MYO16: variants seen among roughly 807,000 people sequenced by gnomAD.
MYO16 encodes myosin XVI.
MYO16 carries 94 observed loss-of-function variants against 205.3 expected under a neutral mutation model. That is an observed-to-expected ratio of 0.46 (90% confidence interval 0.39 to 0.54). The LOEUF (loss-of-function observed/expected upper bound fraction) is 0.54, where lower values mean the gene tolerates loss of function less well. Among genes scored for constraint, MYO16 ranks in the 20% least tolerant of loss-of-function variants. The probability of loss-of-function intolerance (pLI) is 0.00; values close to 1 mark genes in which losing one functional copy is unlikely to be tolerated. For missense variants in MYO16, 2,315 were observed against 2,387.5 expected, an observed-to-expected ratio of 0.97 and a Z score of 0.63; for synonymous variants, 988 against 954.0, an observed-to-expected ratio of 1.04 and a Z score of -0.66.
intron 6 of MYO16, 109 bp downstream of exon 6, chr13:108,793,749 G>A: frequency 8.2e-7 from 1 of 1,219,018 alleles, no homozygotes; most frequent in Non-Finnish European, 1.1e-6. Context: ...TGATCATAAA[G>A]TAATACATGT....
At chr13:108,949,720 AT>A (rs1225618897) in intron 16 of MYO16, among the ~76,000 whole-genome samples, 1 of 152,186 alleles carries the variant, frequency 6.6e-6, no homozygotes, top group Non-Finnish European at 1.5e-5. Flanking sequence ...GCTAAAAAAA[AT>A]AATGCAAAAG....
intron 20 of MYO16, among the ~76,000 whole-genome samples, chr13:108,982,827 G>C (rs1053850187): frequency 1.3e-5 from 2 of 152,014 alleles, no homozygotes; most frequent in African/African-American, 2.4e-5. Context: ...ATAATTCCTA[G>C]TTAGGATAAG....
At chr13:108,525,432 G>T in the MYO16 span, among the ~76,000 whole-genome samples, 2 of 152,174 alleles carry the variant, frequency 1.3e-5, no homozygotes, top group Non-Finnish European at 2.9e-5. Context: ...AGCCATGTGG[G>T]GAGGTTGCTG....
At chr13:109,144,026 CTTT>C (rs11347920) in intron 32 of MYO16, among the ~76,000 whole-genome samples, 168 of 143,772 alleles carry the variant, frequency 1.2e-3, no homozygotes, top group East Asian at 2.3e-3. Flanking sequence ...TATAATAATT[CTTT>C]TTTTTTTTTT....
At chr13:108,917,277 A>G (rs1881539795) in intron 16 of MYO16, among the ~76,000 whole-genome samples, 1 of 152,214 alleles carries the variant, frequency 6.6e-6, no homozygotes, top group African/African-American at 2.4e-5. Context: ...CCCTAAGTTA[A>G]GGACAGAAGG....
rs548378702 is a variant in MYO16 at position 108,780,980 on chromosome 13, T to A, written c.508-4655T>A. On this transcript the variant is annotated intron_variant, in intron 4 of 34. Transcript: ENST00000457511. ...CCCCACGCTTCAGGTGCAGAATTTC[T>A]CTAAAAGAGCCTGATGACTTCTTTA... 3.0e-4 allele frequency among the ~76,000 whole-genome samples: 46 copies of A among 152,358 alleles called. No individual in the cohort carries two copies. The South Asian group carries it at 9.1e-3, about 30-fold the overall frequency.
chr13:108,673,630 T>C (rs927345568), intron 2 of MYO16, among the ~76,000 whole-genome samples: 11 of 152,158 alleles, frequency 7.2e-5, no homozygotes, highest in African/African-American at 2.7e-4. Context: ...CCTTAGTTGG[T>C]TACCTCTTCT....
intron 28 of MYO16, among the ~76,000 whole-genome samples, chr13:109,117,959 C>A (rs1371265540): frequency 6.6e-6 from 1 of 152,148 alleles, no homozygotes; most frequent in African/African-American, 2.4e-5. Flanking sequence ...GATGTAGCCA[C>A]CAATTACAGA....
At chr13:108,561,099 A>T in the MYO16 span, among the ~76,000 whole-genome samples, 1 of 152,232 alleles carries the variant, frequency 6.6e-6, no homozygotes, top group Non-Finnish European at 1.5e-5. Context: ...AGGTTGCTGA[A>T]AACACTGAAC....
chr13:108,930,669 A>C (rs2139289886), intron 16 of MYO16, among the ~76,000 whole-genome samples: 1 of 152,302 alleles, frequency 6.6e-6, no homozygotes, highest in Non-Finnish European at 1.5e-5. Flanking sequence ...TGTGAAGTAA[A>C]CCCTGTATCT....
At chr13:108,555,299 T>C in the MYO16 span, among the ~76,000 whole-genome samples, 1 of 152,172 alleles carries the variant, frequency 6.6e-6, no homozygotes, top group South Asian at 2.1e-4. Flanking sequence ...TTTTAAAACA[T>C]TTTTTAAAAT....
the MYO16 span, among the ~76,000 whole-genome samples, chr13:108,556,724 C>A: frequency 6.6e-6 from 1 of 152,072 alleles, no homozygotes; most frequent in African/African-American, 2.4e-5. Flanking sequence ...TGTCATGGTG[C>A]TTTCCTCTAT....
In MYO16 at chr13:108,855,469, C is replaced by T. The variant is rs757251609; in HGVS notation, c.1275C>T (p.Asn425=). 1.6e-5 allele frequency: 26 copies of T among 1,592,646 alleles called. No individual in the cohort carries two copies. Among genetic ancestry groups the T allele is most frequent in the South Asian group, 5.6e-5 (5 of 89,236 alleles). The change falls in exon 11 of 35, where the codon AAC becomes AAT. Residue 425 remains asparagine, a synonymous_variant. Transcript: ENST00000457511. ...TCAAGCTAATGCCTCCTGCCCCAAA[C>T]GATGACCTGGCAACGCTCAGCGAGC... The part of the protein sequence containing the change: ...EQVKLMPPAP[N]DDLATLSELN...
chr13:109,176,386 C>G (rs1276135741), intron 33 of MYO16, among the ~76,000 whole-genome samples: 2 of 151,546 alleles, frequency 1.3e-5, no homozygotes, highest in Non-Finnish European at 2.9e-5. Context: ...CAATGTTCTA[C>G]ATTGTTCTTT....
intron 4 of MYO16, among the ~76,000 whole-genome samples, chr13:108,755,701 T>C (rs1885401532): frequency 6.6e-6 from 1 of 152,218 alleles, no homozygotes; most frequent in African/African-American, 2.4e-5. Flanking sequence ...TTTATATTCT[T>C]CAAATCTGCT....
At chr13:109,108,997 G>A (rs1178375535) in intron 28 of MYO16, among the ~76,000 whole-genome samples, 1 of 152,128 alleles carries the variant, frequency 6.6e-6, no homozygotes, top group Non-Finnish European at 1.5e-5. Context: ...CCCCACTAAG[G>A]AGAAAAACTG....
intron 16 of MYO16, among the ~76,000 whole-genome samples, chr13:108,946,520 ACC>A (rs2139328310): frequency 6.6e-6 from 1 of 152,292 alleles, no homozygotes; most frequent in South Asian, 2.1e-4. Context: ...CCTTCTGTAC[ACC>A]CAATATTAAT....
chr13:108,554,015 G>A, the MYO16 span, among the ~76,000 whole-genome samples: 1 of 152,200 alleles, frequency 6.6e-6, no homozygotes, highest in East Asian at 1.9e-4. Flanking sequence ...CCAAAGCCAT[G>A]CGCTGCCTCC....
chr13:109,126,710 A>G (rs369027295), intron 30 of MYO16, among the ~76,000 whole-genome samples: 1 of 152,340 alleles, frequency 6.6e-6, no homozygotes, highest in South Asian at 2.1e-4. Flanking sequence ...AGGAGAAATA[A>G]TAGCTCTGCA....
Sources: gnomAD v4.1 joint callset for allele counts (sites outside exome capture counted in the v4.1 genomes callset) on GRCh38, gnomAD v4.1.1 for gene constraint, MANE v1.5 for transcripts, NCBI Gene and HGNC (gene_info 2026-07-23, HGNC 2026-07-21) for gene names.